The following BNC2 variants were observed in gnomAD, a reference collection of about 807,000 sequenced individuals.
BNC2 encodes the protein zinc finger protein basonuclin-2.
A neutral mutation model predicts 76.3 loss-of-function variants in BNC2; 20 were observed. The ratio of observed to expected loss-of-function variants is 0.26; its 90% confidence interval spans 0.18 to 0.38. The LOEUF is 0.38. BNC2 is among the 10% of genes least tolerant of loss of function. The pLI is 1.00. For synonymous variants in BNC2, 582 were observed against 514.8 expected (o/e 1.13, Z -1.77); for missense variants, 1,382 against 1,399.8 (o/e 0.99, Z 0.20).
rs902382849 is a variant in BNC2 at position 16,806,737 on chromosome 9, C to T, written c.3+63909G>A. Among the ~76,000 whole-genome samples, 4 of 152,318 alleles carry T rather than the reference C, an allele frequency of 2.6e-5. No individual in the cohort carries two copies. The East Asian group carries it at 7.7e-4, about 29-fold the overall frequency. ...AGTTCTCAACAAGAAACTACAGTCT[C>T]CCTATGGGTTCAAAACATGTTTTAA... On this transcript the variant is annotated intron_variant, in intron 1 of 6. Coordinates refer to ENST00000380672, the MANE Select transcript of BNC2 (RefSeq NM_017637.6).
chr9:16,664,788 C>G (rs967343455), intron 3 of BNC2, among the ~76,000 whole-genome samples: 2 of 152,072 alleles, frequency 1.3e-5, no homozygotes, highest in African/African-American at 4.8e-5. Context: ...TTGTCCTCAG[C>G]TGAAAACGCT....
At chr9:16,859,009 C>CAA (rs1819331791) in intron 1 of BNC2, among the ~76,000 whole-genome samples, 2 of 151,610 alleles carry the variant, frequency 1.3e-5, no homozygotes. Context: ...TCAACAACAA[C>CAA]AAAAAAAGCC....
chr9:16,598,563 G>A (rs547216767), intron 3 of BNC2, among the ~76,000 whole-genome samples: 8 of 152,148 alleles, frequency 5.3e-5, no homozygotes, highest in Non-Finnish European at 2.9e-5. Context: ...CCACTACGGG[G>A]AAGAGACGTT....
At chr9:16,425,002 C>T (rs1418671460) in intron 6 of BNC2, among the ~76,000 whole-genome samples, 1 of 152,088 alleles carries the variant, frequency 6.6e-6, no homozygotes, top group South Asian at 2.1e-4. Context: ...TCCAAAAGAT[C>T]TGAAAACCAT....
intron 4 of BNC2, among the ~76,000 whole-genome samples, chr9:16,558,859 G>A (rs749796532): frequency 1.2e-4 from 18 of 151,368 alleles, no homozygotes; most frequent in Admixed American, 2.0e-4. Context: ...ACTTGAACCC[G>A]GGAAGCAGAG....
intron 1 of BNC2, among the ~76,000 whole-genome samples, chr9:16,774,058 T>C (rs1322783200): frequency 2.0e-5 from 3 of 152,168 alleles, no homozygotes; most frequent in Non-Finnish European, 4.4e-5. Flanking sequence ...CTCAGATCAC[T>C]GCAACCTTTG....
intron 5 of BNC2, among the ~76,000 whole-genome samples, chr9:16,502,042 GA>G (rs1279612920): frequency 1.3e-4 from 20 of 152,176 alleles, no homozygotes; most frequent in Non-Finnish European, 1.9e-4. Flanking sequence ...ATGAGTTTAG[GA>G]AATGTAACAT....
intron 2 of BNC2, 161 bp from the exon 3 acceptor site, chr9:16,728,158 T>A: frequency 1.4e-6 from 1 of 738,940 alleles, no homozygotes; most frequent in Non-Finnish European, 2.4e-6. Context: ...CAGATATCCC[T>A]ATCATTTATG....
chr9:16,664,761 A>G (rs7046154), intron 3 of BNC2, among the ~76,000 whole-genome samples: 72,743 of 151,748 alleles, frequency 0.48, 19,998 homozygotes, highest in Non-Finnish European at 0.64. Flanking sequence ...AAGAGACCCA[A>G]TAAGGAGAAG....
intron 1 of BNC2, among the ~76,000 whole-genome samples, chr9:16,845,455 C>G (rs909992559): frequency 6.6e-6 from 1 of 152,184 alleles, no homozygotes; most frequent in Non-Finnish European, 1.5e-5. Context: ...GGCGCGGTGG[C>G]TCACACCTGT....
intron 1 of BNC2, among the ~76,000 whole-genome samples, chr9:16,856,577 C>A (rs558346180): frequency 7.5e-4 from 114 of 152,192 alleles, no homozygotes; most frequent in African/African-American, 2.7e-3. Context: ...CCCAGCCCTT[C>A]GTGTAAATAT....
chr9:16,846,159 A>G (rs1007531748), intron 1 of BNC2, among the ~76,000 whole-genome samples: 8 of 151,744 alleles, frequency 5.3e-5, no homozygotes, highest in Non-Finnish European at 7.4e-5. Context: ...AAAAAAAATT[A>G]ATTTAGTATA....
intron 5 of BNC2, among the ~76,000 whole-genome samples, chr9:16,518,940 T>A (rs1428728506): frequency 1.3e-5 from 2 of 152,126 alleles, no homozygotes; most frequent in Non-Finnish European, 2.9e-5. Flanking sequence ...ACAAATGTCT[T>A]TATCATATAG....
intron 3 of BNC2, among the ~76,000 whole-genome samples, chr9:16,676,909 T>G (rs1356043765): frequency 1.3e-5 from 2 of 152,166 alleles, no homozygotes; most frequent in African/African-American, 4.8e-5. Flanking sequence ...TTATTTGTTT[T>G]GAGAAACAGA....
intron 1 of BNC2, among the ~76,000 whole-genome samples, chr9:16,781,505 G>T (rs1399986734): frequency 3.3e-5 from 5 of 152,210 alleles, no homozygotes; most frequent in African/African-American, 9.6e-5. Flanking sequence ...GCCAGGCACA[G>T]CTAGTTTTTT....
chr9:16,870,173 C>T (rs1215455455), intron 1 of BNC2, among the ~76,000 whole-genome samples: 1 of 145,832 alleles, frequency 6.9e-6, no homozygotes, highest in Non-Finnish European at 1.5e-5. Context: ...GCACCCACGC[C>T]CAGCCGCCGG....
rs1395447317 is a variant in BNC2 at position 16,417,254 on chromosome 9, G to A, written c.*1735C>T. 6.6e-6 allele frequency: 1 copy of A among 152,522 alleles called. No individual in the cohort carries two copies. The highest frequency in any genetic ancestry group is 1.5e-5 in the Non-Finnish European group (1 of 68,030). The allele number at this position is 152,522 out of a possible 1,614,324, so 9.4% of individuals were successfully genotyped here. A position where few individuals can be genotyped will look rare whatever the true frequency, so the allele number is the denominator to read the frequency against. On this transcript the variant is annotated 3_prime_UTR_variant, in exon 7 of 7. Transcript: ENST00000380672. ...TATCATCATTTAGTCAGTATGTTGT[G>A]GTAGCTGAGGCTGCCGATGTGGTTA...
At chr9:16,737,251 T>C (rs1189911085) in intron 2 of BNC2, among the ~76,000 whole-genome samples, 93 of 145,632 alleles carry the variant, frequency 6.4e-4, no homozygotes, top group African/African-American at 2.2e-3. Context: ...TTTTTTTTTT[T>C]TTTTTTTTTT....
At chr9:16,441,124 T>C (rs969776547) in intron 5 of BNC2, among the ~76,000 whole-genome samples, 2 of 152,036 alleles carry the variant, frequency 1.3e-5, no homozygotes, top group Admixed American at 6.6e-5. Context: ...CTAGGCAACA[T>C]GGCAAGACCC....
Sources: gnomAD v4.1 joint callset for allele counts (sites outside exome capture counted in the v4.1 genomes callset) on GRCh38, gnomAD v4.1.1 for gene constraint, MANE v1.5 for transcripts, NCBI Gene and HGNC (gene_info 2026-07-23, HGNC 2026-07-21) for gene names.